The following CAST variants were observed in gnomAD, a reference collection of about 807,000 sequenced individuals.
CAST encodes the protein MIR583 host.
A neutral mutation model predicts 119.6 loss-of-function variants in CAST; 76 were observed. The ratio of observed to expected loss-of-function variants is 0.64; its 90% CI spans 0.53 to 0.77. CAST has a LOEUF of 0.77. Ranked by LOEUF, CAST falls within the 30% of genes least tolerant of loss-of-function variation. CAST has a pLI of 0.00. For missense variants in CAST, 953 were observed against 946.5 expected (o/e 1.01, Z -0.09); for synonymous variants, 319 against 331.6 (o/e 0.96, Z 0.41).
chr5:96,469,554 T>C, the CAST span, among the ~76,000 whole-genome samples: 1 of 152,032 alleles, frequency 6.6e-6, no homozygotes, highest in East Asian at 1.9e-4. Flanking sequence ...ATTCCTCAGG[T>C]TGTTGACTCT....
chr5:96,386,514 G>A, the CAST span, among the ~76,000 whole-genome samples: 34 of 152,228 alleles, frequency 2.2e-4, 1 homozygote, highest in South Asian at 3.7e-3. Flanking sequence ...CTTCTTCATC[G>A]ACTCTTACAT....
the CAST span, among the ~76,000 whole-genome samples, chr5:96,201,818 A>G: frequency 2.0e-5 from 3 of 152,004 alleles, no homozygotes; most frequent in African/African-American, 7.2e-5. Flanking sequence ...TGTCCTGTCT[A>G]CTTCTTTCTC....
At chr5:96,160,863 A>G in the CAST span, among the ~76,000 whole-genome samples, 2 of 152,216 alleles carry the variant, frequency 1.3e-5, no homozygotes, top group African/African-American at 4.8e-5. Context: ...CCAATGATTA[A>G]TGATGAGCAT....
the CAST span, among the ~76,000 whole-genome samples, chr5:96,144,499 T>A: frequency 6.6e-6 from 1 of 152,238 alleles, no homozygotes; most frequent in Non-Finnish European, 1.5e-5. Context: ...TGTATCCCAA[T>A]TGCTTTTAGT....
the CAST span, among the ~76,000 whole-genome samples, chr5:96,136,269 T>C: frequency 6.6e-6 from 1 of 152,220 alleles, no homozygotes. Flanking sequence ...TGTTCCTCCT[T>C]CACCCCACTT....
At chr5:96,412,709 G>T in the CAST span, among the ~76,000 whole-genome samples, 2 of 142,954 alleles carry the variant, frequency 1.4e-5, no homozygotes, top group Non-Finnish European at 3.0e-5. Flanking sequence ...GCACTTTAGA[G>T]ATAATACTAT....
the CAST span, among the ~76,000 whole-genome samples, chr5:96,155,025 A>G: frequency 6.6e-6 from 1 of 152,176 alleles, no homozygotes; most frequent in Non-Finnish European, 1.5e-5. Context: ...AGTTATTCCA[A>G]ATTCTTCTGC....
intron 1 of CAST, among the ~76,000 whole-genome samples, chr5:96,592,602 A>G (rs561337329): frequency 6.6e-6 from 1 of 152,136 alleles, no homozygotes; most frequent in South Asian, 2.1e-4. Flanking sequence ...GTTTCTCTCT[A>G]TAGTTTTTTT....
the CAST span, among the ~76,000 whole-genome samples, chr5:96,039,662 T>C: frequency 6.6e-6 from 1 of 152,226 alleles, no homozygotes; most frequent in Non-Finnish European, 1.5e-5. Context: ...GTGTCAAGTT[T>C]GTCAAAGATC....
At chr5:95,961,442 CTGCCT>C in the CAST span, 4 of 1,177,782 alleles carry the variant, frequency 3.4e-6, no homozygotes, top group Non-Finnish European at 4.4e-6. Flanking sequence ...CGGCCCTGCC[CTGCCT>C]GGCCGCTGCG....
chr5:96,278,037 GT>G, the CAST span, among the ~76,000 whole-genome samples: 1,372 of 146,252 alleles, frequency 9.4e-3, 19 homozygotes, highest in African/African-American at 0.031. Flanking sequence ...TTAAAATAGA[GT>G]TTTTTTTTTT....
In CAST at chr5:96,757,673, G is replaced by A. The variant is rs748615036; in HGVS notation, c.1833+19G>A. 26 of 1,427,188 alleles carry A rather than the reference G, an allele frequency of 1.8e-5. 2 individuals are homozygous for A. In the South Asian group the frequency reaches 3.1e-4, roughly 17 times the overall value. The allele number at this position is 1,427,188 out of a possible 1,614,324, so 88.4% of individuals were successfully genotyped here. On this transcript the variant is annotated intron_variant, in intron 24 of 31. Transcript: ENST00000675179. ...ATCTCTTGTAAGTCCAAAACTCTTG[G>A]TTTTATTTCTTTAGTTTTTTTTTTT... is the stretch of plus-strand genomic sequence containing the variant.
the CAST span, among the ~76,000 whole-genome samples, chr5:96,158,997 A>T: frequency 0.016 from 2,429 of 152,308 alleles, 51 homozygotes; most frequent in African/African-American, 0.055. Flanking sequence ...CTTTTGTTCA[A>T]GCCAGCTATT....
chr5:96,270,998 A>T, the CAST span, among the ~76,000 whole-genome samples: 1 of 136,806 alleles, frequency 7.3e-6, no homozygotes, highest in East Asian at 2.1e-4. Flanking sequence ...AGCAAATAAT[A>T]TTTAAAAAAA....
At chr5:96,356,320 G>A in the CAST span, among the ~76,000 whole-genome samples, 527 of 152,148 alleles carry the variant, frequency 3.5e-3, 5 homozygotes, top group African/African-American at 0.012. Context: ...TTTGCTGTGC[G>A]GAAGCTCTTT....
At chr5:96,292,380 T>G in the CAST span, among the ~76,000 whole-genome samples, 4 of 152,204 alleles carry the variant, frequency 2.6e-5, no homozygotes. Context: ...CTGAATTGTT[T>G]TAAACCTTTC....
the CAST span, among the ~76,000 whole-genome samples, chr5:96,333,402 CG>C: frequency 6.6e-6 from 1 of 152,046 alleles, no homozygotes; most frequent in Non-Finnish European, 1.5e-5. Context: ...CCTAGGTGGC[CG>C]GGCAAGTCTC....
chr5:96,220,399 A>C, the CAST span, among the ~76,000 whole-genome samples: 1 of 152,328 alleles, frequency 6.6e-6, no homozygotes, highest in East Asian at 1.9e-4. Context: ...AGAACATGTT[A>C]TGTAAATGTT....
the CAST span, among the ~76,000 whole-genome samples, chr5:96,260,227 T>C: frequency 2.0e-5 from 3 of 152,152 alleles, no homozygotes; most frequent in Admixed American, 6.5e-5. Context: ...GTGTTGGTAT[T>C]GGAATCTGGT....
Sources: gnomAD v4.1 joint callset for allele counts (sites outside exome capture counted in the v4.1 genomes callset) on GRCh38, gnomAD v4.1.1 for gene constraint, MANE v1.5 for transcripts, NCBI Gene and HGNC (gene_info 2026-07-23, HGNC 2026-07-21) for gene names.